CNTFR: variants seen among roughly 807,000 people sequenced by gnomAD.
The protein encoded by CNTFR is ciliary neurotrophic factor receptor subunit alpha.
Under a neutral mutation model 40.4 loss-of-function variants are expected in CNTFR, and 12 were observed. The observed-to-expected ratio is 0.30, with a 90% CI of 0.19 to 0.48. The LOEUF (loss-of-function observed/expected upper bound fraction) is 0.48, where lower values mean the gene tolerates loss of function less well. Among genes scored for constraint, CNTFR ranks in the 20% least tolerant of loss-of-function variants. The pLI is 0.99. For synonymous variants in CNTFR, 202 were observed against 209.6 expected, an observed-to-expected ratio of 0.96 and a Z score of 0.31; for missense variants, 414 against 506.8, an observed-to-expected ratio of 0.82 and a Z score of 1.76.
At chr9:34,565,149 CA>C (rs1283702129) in intron 3 of CNTFR, among the ~76,000 whole-genome samples, 1 of 152,006 alleles carries the variant, frequency 6.6e-6, no homozygotes, top group Non-Finnish European at 1.5e-5. Flanking sequence ...GGTCAGTTCT[CA>C]GAGAAAACCC....
intron 4 of CNTFR, among the ~76,000 whole-genome samples, chr9:34,562,195 G>A (rs1826103485): frequency 6.6e-6 from 1 of 152,162 alleles, no homozygotes; most frequent in South Asian, 2.1e-4. Flanking sequence ...GTGCCAAGTT[G>A]GGTTCATCCT....
intron 4 of CNTFR, among the ~76,000 whole-genome samples, chr9:34,560,406 G>A (rs1004417131): frequency 3.1e-4 from 47 of 152,212 alleles, no homozygotes; most frequent in Non-Finnish European, 7.3e-5. Context: ...GACTCAGGGT[G>A]AGGCTGTTCA....
At chr9:34,555,173 G>C (rs944201183) in intron 7 of CNTFR, among the ~76,000 whole-genome samples, 4 of 152,256 alleles carry the variant, frequency 2.6e-5, no homozygotes, top group Admixed American at 6.5e-5. Flanking sequence ...CTAGACCCTG[G>C]TTATTAGCAA....
chr9:34,585,175 A>T (rs1234018181), intron 1 of CNTFR, among the ~76,000 whole-genome samples: 4 of 152,224 alleles, frequency 2.6e-5, no homozygotes, highest in Non-Finnish European at 5.9e-5. Flanking sequence ...CCTCTGGTGT[A>T]CGAGGTCTGT....
rs372724441 is a variant in CNTFR, at chr9:34,578,511, G to A, written c.-1+2584C>T. Reference sequence around the variant, plus strand: ...AGGCCAACTCGGGCAGACCACTGCTGGTCTCAGGGCTGACCTCTGCTGCCT... The same window carrying A: ...AGGCCAACTCGGGCAGACCACTGCTAGTCTCAGGGCTGACCTCTGCTGCCT... On this transcript the variant is annotated intron_variant, in intron 2 of 9. Coordinates refer to ENST00000378980, the MANE Select transcript of CNTFR (RefSeq NM_147164.3). Among the ~76,000 whole-genome samples, 7 of 152,198 alleles carry A rather than the reference G, an allele frequency of 4.6e-5. No homozygotes were observed. In the East Asian group the frequency reaches 1.4e-3, roughly 29 times the overall value.
At chr9:34,580,822 T>C (rs1353482980) in intron 2 of CNTFR, among the ~76,000 whole-genome samples, 5 of 152,258 alleles carry the variant, frequency 3.3e-5, no homozygotes, top group Admixed American at 6.5e-5. Context: ...TACTCCCATA[T>C]CTGGGACTCA....
chr9:34,574,326 C>T (rs951317905), intron 2 of CNTFR, among the ~76,000 whole-genome samples: 3 of 152,228 alleles, frequency 2.0e-5, no homozygotes, highest in African/African-American at 7.2e-5. Context: ...TCTCTAGCCC[C>T]TTCTCTTTTC....
intron 4 of CNTFR, among the ~76,000 whole-genome samples, chr9:34,558,576 T>C (rs72735276): frequency 0.029 from 4,383 of 152,236 alleles, 98 homozygotes; most frequent in Non-Finnish European, 0.037. Context: ...CATGTCTCTA[T>C]GTGACATGAA....
In CNTFR at chr9:34,566,390, C is replaced by T. The variant is rs367698081; in HGVS notation, c.86-1558G>A. Among the ~76,000 whole-genome samples, 14 of 152,274 alleles carry T rather than the reference C, an allele frequency of 9.2e-5. No individual in the cohort carries two copies. The East Asian group carries it at 2.3e-3, about 25-fold the overall frequency. On this transcript the variant is annotated intron_variant, in intron 3 of 9. Coordinates refer to ENST00000378980, the MANE Select transcript of CNTFR (RefSeq NM_147164.3). ...TGGGACCAGCCGAACAGACGATGAA[C>T]GGGCGGAAGGGCGGTGGCTGGGGGC... is the stretch of plus-strand genomic sequence containing the variant.
chr9:34,559,716 G>A (rs1037550996), intron 4 of CNTFR, among the ~76,000 whole-genome samples: 1 of 152,074 alleles, frequency 6.6e-6, no homozygotes, highest in African/African-American at 2.4e-5. Context: ...AGGACATTCC[G>A]AGGTCGGCCG....
intron 2 of CNTFR, among the ~76,000 whole-genome samples, chr9:34,573,435 A>G (rs1826780877): frequency 6.6e-6 from 1 of 152,234 alleles, no homozygotes; most frequent in Admixed American, 6.5e-5. Context: ...AGGTAGGCTC[A>G]GTCTGGCCTG....
Position 34,576,288 on chromosome 9 carries a change from TCA to T in CNTFR, c.-1+4805_-1+4806del, listed in dbSNP as rs763070617. On this transcript the variant is annotated intron_variant, in intron 2 of 9. Coordinates refer to ENST00000378980, the MANE Select transcript of CNTFR (RefSeq NM_147164.3). ...GTGCGTGCACACATTACAGTCACAC[TCA>T]CACACACAGACTCCCTCACACAGCC... Among the ~76,000 whole-genome samples the T allele has an allele frequency of 5.3e-5, 8 of 152,070 alleles. 1 individual carries two copies. In the East Asian group the frequency reaches 1.2e-3, roughly 22 times the overall value.
Position 34,552,384 on chromosome 9 carries a change from C to T in CNTFR, c.950-55G>A, listed in dbSNP as rs1825667789. On this transcript the variant is annotated intron_variant, in intron 8 of 9. Coordinates refer to ENST00000378980, the MANE Select transcript of CNTFR (RefSeq NM_147164.3). This position sits in a 1 kb window ranked among gnomAD's most constrained non-coding sequence, Gnocchi z 5.1. ...GGCCAGGGCTGGGTCCCATCCAGAT[C>T]TGGGGGCTCATGAGACATACCATTC... The T allele has an allele frequency of 6.7e-7, 1 of 1,488,532 alleles. No individual in the cohort carries two copies. Among genetic ancestry groups the T allele is most frequent in the Non-Finnish European group, 9.0e-7 (1 of 1,115,550 alleles). 92.2% of individuals were successfully genotyped at this position (1,488,532 alleles called of 1,614,324 possible). A position where few individuals can be genotyped will look rare whatever the true frequency, so the allele number is the denominator to read the frequency against.
chr9:34,576,544 G>T (rs1180587092), intron 2 of CNTFR, among the ~76,000 whole-genome samples: 1 of 152,178 alleles, frequency 6.6e-6, no homozygotes, highest in Non-Finnish European at 1.5e-5. Flanking sequence ...GGGATGCCTA[G>T]GGCAGGAAAG....
At chr9:34,585,949 CA>C (rs1337196353) in intron 1 of CNTFR, among the ~76,000 whole-genome samples, 1 of 152,220 alleles carries the variant, frequency 6.6e-6, no homozygotes, top group Non-Finnish European at 1.5e-5. Flanking sequence ...GGGCAGAGAG[CA>C]GGGGTGTCTT....
chr9:34,578,395 C>G (rs994121476), intron 2 of CNTFR, among the ~76,000 whole-genome samples: 11 of 152,254 alleles, frequency 7.2e-5, no homozygotes, highest in Middle Eastern at 3.4e-3. Context: ...GGAGGGGAGG[C>G]AGAAGGGACC....
Position 34,552,471 on chromosome 9 carries a change from A to G in CNTFR, c.950-142T>C. On this transcript the variant is annotated intron_variant, in intron 8 of 9. Coordinates refer to ENST00000378980, the MANE Select transcript of CNTFR (RefSeq NM_147164.3). This position sits in a 1 kb window ranked among gnomAD's most constrained non-coding sequence, Gnocchi z 5.1. ...AGGCAGATCCTGTTTCCCAAGGCTC[A>G]CAGATAACCCCTCCACCCAATGACC... The G allele has an allele frequency of 2.8e-6, 3 of 1,085,852 alleles. 1 individual carries two copies. Among genetic ancestry groups the G allele is most frequent in the Non-Finnish European group, 3.9e-6 (3 of 774,094 alleles). The allele number at this position is 1,085,852 out of a possible 1,614,324, so 67.3% of individuals were successfully genotyped here.
chr9:34,555,545 T>G (rs1275850430), intron 7 of CNTFR, among the ~76,000 whole-genome samples: 1 of 152,076 alleles, frequency 6.6e-6, no homozygotes, highest in Non-Finnish European at 1.5e-5. Context: ...AGCTCTCTAT[T>G]GTAGCTTGAT....
rs1825887998 is a variant in CNTFR, at chr9:34,557,344, A to G, written c.604+182T>C. 6.6e-6 allele frequency among the ~76,000 whole-genome samples: 1 copy of G among 152,170 alleles called. No individual in the cohort carries two copies. The highest frequency in any genetic ancestry group is 1.5e-5 in the Non-Finnish European group (1 of 68,018). On this transcript the variant is annotated intron_variant, in intron 6 of 9. Coordinates refer to ENST00000378980, the MANE Select transcript of CNTFR (RefSeq NM_147164.3). The surrounding 1 kb of genome is among the most constrained non-coding windows in gnomAD (Gnocchi z 4.2). ...CTTCAGGTAAAGGACATTCACTTACACGTTCACAGGTGTATATGTCATGCA... is the reference window on the plus strand; with the variant it reads ...CTTCAGGTAAAGGACATTCACTTACGCGTTCACAGGTGTATATGTCATGCA...
Sources: gnomAD v4.1 joint callset for allele counts (sites outside exome capture counted in the v4.1 genomes callset) on GRCh38, gnomAD v4.1.1 for gene constraint, Gnocchi (gnomAD v3.1) non-coding constraint, MANE v1.5 for transcripts, NCBI Gene and HGNC (gene_info 2026-07-23, HGNC 2026-07-21) for gene names.